Variants in EBF1 observed in about 807,000 individuals in gnomAD.
The protein encoded by EBF1 is transcription factor COE1.
In EBF1, 10 loss-of-function variants were observed where a neutral mutation model predicts 68.4. The observed-to-expected ratio is 0.15, with a 90% confidence interval of 0.09 to 0.25. The LOEUF (loss-of-function observed/expected upper bound fraction) is 0.25, where lower values mean the gene tolerates loss of function less well. Among genes scored for constraint, EBF1 ranks in the 10% least tolerant of loss-of-function variants. The pLI is 1.00. For synonymous variants in EBF1, 298 were observed against 299.8 expected (o/e 0.99, Z 0.06); for missense variants, 509 against 794.4 (o/e 0.64, Z 4.32).
intron 6 of EBF1, among the ~76,000 whole-genome samples, chr5:159,032,930 C>G (rs571180474): frequency 6.6e-6 from 1 of 151,982 alleles, no homozygotes; most frequent in East Asian, 1.9e-4. Context: ...AGACTTAAAA[C>G]CTTGCTTAAA....
At chr5:159,098,058 G>T (rs1290014989) in intron 1 of EBF1, among the ~76,000 whole-genome samples, 1 of 152,266 alleles carries the variant, frequency 6.6e-6, no homozygotes, top group African/African-American at 2.4e-5. Flanking sequence ...GATGGGAACA[G>T]TGTTGGGGAC....
intron 6 of EBF1, among the ~76,000 whole-genome samples, chr5:158,909,350 G>C (rs1426924456): frequency 1.3e-5 from 2 of 151,970 alleles, no homozygotes; most frequent in African/African-American, 4.8e-5. Context: ...GGTTTGGTTT[G>C]GTTTAGAAGA....
rs377504394 is a variant in EBF1 at position 158,965,873 on chromosome 5, T to C, written c.554+107523A>G. Reference sequence around the variant, plus strand: ...ATTAGACTAGCCCATCGGCACTCTTTTAATGAGCAGATTAATCATTCAGAT... The same window carrying C: ...ATTAGACTAGCCCATCGGCACTCTTCTAATGAGCAGATTAATCATTCAGAT... On this transcript the variant is annotated intron_variant, in intron 6 of 15. Transcript: ENST00000313708. 5.9e-5 allele frequency among the ~76,000 whole-genome samples: 9 copies of C among 152,342 alleles called. No individual in the cohort carries two copies. The East Asian group carries it at 1.3e-3, about 23-fold the overall frequency.
At chr5:158,986,940 G>A (rs1049290123) in intron 6 of EBF1, 1 of 152,238 alleles carries the variant, frequency 6.6e-6, no homozygotes, top group Non-Finnish European at 1.5e-5. Context: ...GGCTCAGAGA[G>A]ACTGAATAAC....
chr5:158,717,664 T>C (rs536678499), intron 11 of EBF1, among the ~76,000 whole-genome samples: 11 of 152,170 alleles, frequency 7.2e-5, no homozygotes, highest in African/African-American at 2.6e-4. Context: ...TTTTGGGAAT[T>C]AAAGACAAAT....
chr5:159,026,281 GTT>G (rs879316540), intron 6 of EBF1, among the ~76,000 whole-genome samples: 1 of 145,754 alleles, frequency 6.9e-6, no homozygotes, highest in Non-Finnish European at 1.5e-5. Context: ...AATGAAGACT[GTT>G]TTTTTTTTTA....
intron 6 of EBF1, among the ~76,000 whole-genome samples, chr5:158,941,650 C>G (rs886278023): frequency 6.6e-6 from 1 of 152,204 alleles, no homozygotes; most frequent in African/African-American, 2.4e-5. Flanking sequence ...TGGAACAAAG[C>G]CTTGGTATAG....
intron 6 of EBF1, among the ~76,000 whole-genome samples, chr5:159,027,567 C>T (rs1338112439): frequency 7.9e-5 from 12 of 152,166 alleles, no homozygotes; most frequent in Non-Finnish European, 1.6e-4. Context: ...AATGCAAATT[C>T]CTAGTCACCT....
chr5:158,951,616 G>T (rs1561607335), intron 6 of EBF1, among the ~76,000 whole-genome samples: 1 of 152,104 alleles, frequency 6.6e-6, no homozygotes, highest in South Asian at 2.1e-4. Context: ...GACTAAGTAG[G>T]CCCTAGTGCA....
chr5:158,713,167 T>TC lies in EBF1; in HGVS notation c.1192-21dup. 2 of 1,436,510 alleles carry TC rather than the reference T, an allele frequency of 1.4e-6. No individual in the cohort carries two copies. The highest frequency in any genetic ancestry group is 1.8e-6 in the Non-Finnish European group (2 of 1,083,360). 89.0% of individuals were successfully genotyped at this position (1,436,510 alleles called of 1,614,324 possible). On this transcript the variant is annotated intron_variant, in intron 12 of 15. Coordinates refer to ENST00000313708, the MANE Select transcript of EBF1 (RefSeq NM_024007.5). The stretch of plus-strand genomic sequence containing the variant: ...GATTTCCTGAAAAGTCAAAGGAATA[T>TC]CCCCTTCAGCTGCCCCCAGTCATAT...
intron 4 of EBF1, among the ~76,000 whole-genome samples, chr5:159,094,650 T>TA (rs1358836486): frequency 1.3e-5 from 2 of 152,218 alleles, no homozygotes; most frequent in South Asian, 2.1e-4. Flanking sequence ...GGAAACATTC[T>TA]AAAATCACAA....
At chr5:158,784,123 A>G (rs1776960358) in intron 9 of EBF1, among the ~76,000 whole-genome samples, 1 of 152,158 alleles carries the variant, frequency 6.6e-6, no homozygotes, top group South Asian at 2.1e-4. Context: ...TTTTTCCCAT[A>G]TGTCAAGCGC....
At chr5:158,854,709 G>A (rs1170154167) in intron 6 of EBF1, among the ~76,000 whole-genome samples, 2 of 152,158 alleles carry the variant, frequency 1.3e-5, no homozygotes, top group Non-Finnish European at 2.9e-5. Context: ...GGCCTCAAAA[G>A]TCAGCAATTT....
At chr5:158,933,433 C>T (rs944147175) in intron 6 of EBF1, among the ~76,000 whole-genome samples, 11 of 152,168 alleles carry the variant, frequency 7.2e-5, no homozygotes, top group African/African-American at 2.7e-4. Flanking sequence ...TTAACATTTT[C>T]CCAATCAAAT....
chr5:159,040,275 A>G (rs1770923337), intron 6 of EBF1, among the ~76,000 whole-genome samples: 1 of 152,154 alleles, frequency 6.6e-6, no homozygotes, highest in African/African-American at 2.4e-5. Context: ...AAGCGCTTAA[A>G]TATTTAATAA....
At chr5:159,039,825 G>T (rs769640171) in intron 6 of EBF1, among the ~76,000 whole-genome samples, 1 of 152,134 alleles carries the variant, frequency 6.6e-6, no homozygotes, top group Non-Finnish European at 1.5e-5. Flanking sequence ...ATAAAATATC[G>T]AATGAGTACA....
intron 5 of EBF1, among the ~76,000 whole-genome samples, chr5:159,074,528 A>C (rs1220193119): frequency 6.6e-6 from 1 of 152,216 alleles, no homozygotes; most frequent in Non-Finnish European, 1.5e-5. Context: ...ACATACGCGC[A>C]CACTTACAAC....
intron 7 of EBF1, among the ~76,000 whole-genome samples, chr5:158,832,507 G>C (rs549516154): frequency 6.6e-6 from 1 of 152,208 alleles, no homozygotes; most frequent in Non-Finnish European, 1.5e-5. Flanking sequence ...GAGAGTGATC[G>C]CAGCTCGGGC....
At chr5:158,960,810 C>T (rs962469660) in intron 6 of EBF1, among the ~76,000 whole-genome samples, 1 of 152,180 alleles carries the variant, frequency 6.6e-6, no homozygotes, top group African/African-American at 2.4e-5. Context: ...GCCATGTCAT[C>T]AGGATACCCA....
Sources: allele counts gnomAD v4.1 joint callset (sites outside exome capture counted in the v4.1 genomes callset), GRCh38; gene constraint gnomAD v4.1.1; transcripts MANE v1.5; gene names NCBI Gene and HGNC (gene_info 2026-07-23, HGNC 2026-07-21).